Variants in PRKD1 observed in about 807,000 individuals in gnomAD.
The protein encoded by PRKD1 is protein kinase D1, also known as serine/threonine-protein kinase D1.
Under a neutral mutation model 95.9 loss-of-function variants are expected in PRKD1, and 63 were observed. The observed-to-expected ratio is 0.66, with a 90% CI of 0.54 to 0.81. The LOEUF is 0.81. Among genes scored for constraint, PRKD1 ranks in the 30% least tolerant of loss-of-function variants. The pLI is 0.00. For synonymous variants in PRKD1, 425 were observed against 423.1 expected (o/e 1.00, Z -0.05); for missense variants, 1,048 against 1,165.3 (o/e 0.90, Z 1.47).
rs35890847 is a variant in PRKD1 at position 29,705,455 on chromosome 14, GTTTT to G, written c.403+20077_403+20080del. On this transcript the variant is annotated intron_variant, in intron 2 of 17. Coordinates refer to ENST00000331968, the MANE Select transcript of PRKD1 (RefSeq NM_002742.3). ...TCGATGAACAGAAAAGCCAGATTCT[GTTTT>G]TTTTTTTGTCTTTATTGAGATATAA... is the stretch of plus-strand genomic sequence containing the variant. 1.3e-3 allele frequency among the ~76,000 whole-genome samples: 194 copies of G among 147,136 alleles called. 1 individual carries two copies. Among genetic ancestry groups the G allele is most frequent in the African/African-American group, 4.2e-3 (170 of 40,140 alleles).
intron 1 of PRKD1, among the ~76,000 whole-genome samples, chr14:29,764,425 A>G (rs917173069): frequency 6.6e-6 from 1 of 152,218 alleles, no homozygotes; most frequent in African/African-American, 2.4e-5. Context: ...ACACCTCTCT[A>G]TGATTCAATT....
At chr14:29,593,251 C>T (rs1732642786) in intron 16 of PRKD1, among the ~76,000 whole-genome samples, 1 of 152,166 alleles carries the variant, frequency 6.6e-6, no homozygotes, top group South Asian at 2.1e-4. Context: ...ATTTTACTAT[C>T]TCCATTTTAC....
At chr14:29,654,634 C>A (rs1329658693) in intron 4 of PRKD1, among the ~76,000 whole-genome samples, 1 of 152,102 alleles carries the variant, frequency 6.6e-6, no homozygotes, top group Non-Finnish European at 1.5e-5. Flanking sequence ...GAAGCTTATA[C>A]AAAGACATAT....
chr14:29,769,250 C>T (rs1226326525), intron 1 of PRKD1, among the ~76,000 whole-genome samples: 1 of 152,108 alleles, frequency 6.6e-6, no homozygotes, highest in Admixed American at 6.6e-5. Flanking sequence ...CACACTCTCT[C>T]TCTCTCTTTT....
At chr14:29,761,626 C>T (rs1887988458) in intron 1 of PRKD1, among the ~76,000 whole-genome samples, 1 of 152,108 alleles carries the variant, frequency 6.6e-6, no homozygotes, top group Non-Finnish European at 1.5e-5. Context: ...ATTATTATCA[C>T]TGATACACTT....
intron 1 of PRKD1, among the ~76,000 whole-genome samples, chr14:29,825,877 C>T (rs1891088038): frequency 6.6e-6 from 1 of 151,940 alleles, no homozygotes; most frequent in Non-Finnish European, 1.5e-5. Flanking sequence ...TCTATTTTTC[C>T]CCCACCAAAA....
chr14:29,729,422 C>A (rs1037907099), intron 1 of PRKD1, among the ~76,000 whole-genome samples: 4 of 152,004 alleles, frequency 2.6e-5, no homozygotes, highest in African/African-American at 9.7e-5. Flanking sequence ...GAAAGGTATC[C>A]ATTTCATTCA....
chr14:29,776,407 C>A (rs777362414), intron 1 of PRKD1, among the ~76,000 whole-genome samples: 14 of 152,070 alleles, frequency 9.2e-5, no homozygotes, highest in Non-Finnish European at 1.5e-4. Flanking sequence ...AAAAAGATTA[C>A]ACGAATGGCT....
At chr14:29,784,704 G>A (rs1297439908) in intron 1 of PRKD1, among the ~76,000 whole-genome samples, 4 of 152,122 alleles carry the variant, frequency 2.6e-5, no homozygotes, top group South Asian at 2.1e-4. Context: ...GAGGGTTCAC[G>A]GTTCAGCGTT....
chr14:29,692,877 G>T (rs746007775), intron 2 of PRKD1, among the ~76,000 whole-genome samples: 1 of 152,136 alleles, frequency 6.6e-6, no homozygotes, highest in Non-Finnish European at 1.5e-5. Context: ...TTTTCTATGT[G>T]TTGGCTAATA....
At chr14:29,845,126 A>G (rs1404462324) in intron 1 of PRKD1, among the ~76,000 whole-genome samples, 1 of 152,198 alleles carries the variant, frequency 6.6e-6, no homozygotes, top group Non-Finnish European at 1.5e-5. Flanking sequence ...ACTGTTTTCT[A>G]TGTTCTCCAA....
chr14:29,915,578 G>T (rs112618176), intron 1 of PRKD1, among the ~76,000 whole-genome samples: 138 of 152,220 alleles, frequency 9.1e-4, no homozygotes, highest in Non-Finnish European at 1.4e-3. Context: ...AAGTGGGGGG[G>T]AATCTTGCCA....
chr14:29,806,930 A>C (rs1890260598), intron 1 of PRKD1, among the ~76,000 whole-genome samples: 1 of 152,166 alleles, frequency 6.6e-6, no homozygotes, highest in African/African-American at 2.4e-5. Flanking sequence ...GCAATATGGC[A>C]AGTCACACAA....
intron 16 of PRKD1, among the ~76,000 whole-genome samples, chr14:29,580,766 C>T (rs1892731840): frequency 6.6e-6 from 1 of 152,038 alleles, no homozygotes. Flanking sequence ...TCTTTACTGG[C>T]CATGTCTACA....
intron 1 of PRKD1, among the ~76,000 whole-genome samples, chr14:29,846,756 G>C (rs1404896573): frequency 6.6e-6 from 1 of 152,220 alleles, no homozygotes; most frequent in Non-Finnish European, 1.5e-5. Flanking sequence ...TGACTGGCAG[G>C]TGAGAGTGAC....
At chr14:29,879,685 A>G (rs903824124) in intron 1 of PRKD1, among the ~76,000 whole-genome samples, 2 of 152,172 alleles carry the variant, frequency 1.3e-5, no homozygotes, top group African/African-American at 2.4e-5. Flanking sequence ...AGACAGGAAA[A>G]TGTGGGCAAG....
At chr14:29,698,011 T>C (rs1566546130) in intron 2 of PRKD1, among the ~76,000 whole-genome samples, 1 of 152,172 alleles carries the variant, frequency 6.6e-6, no homozygotes, top group Non-Finnish European at 1.5e-5. Flanking sequence ...TAAACTTTAC[T>C]GAAGTGTGTT....
At chr14:29,596,969 T>C (rs950190916) in intron 16 of PRKD1, among the ~76,000 whole-genome samples, 1 of 152,118 alleles carries the variant, frequency 6.6e-6, no homozygotes, top group East Asian at 1.9e-4. Context: ...GAATGATACA[T>C]CAGGATGTTC....
At chr14:29,681,943 A>C (rs577156597) in intron 2 of PRKD1, among the ~76,000 whole-genome samples, 16 of 152,310 alleles carry the variant, frequency 1.1e-4, no homozygotes, top group African/African-American at 3.8e-4. Context: ...ATGAACAGTT[A>C]AGCTTTCAAA....
Sources: gnomAD v4.1 joint callset for allele counts (sites outside exome capture counted in the v4.1 genomes callset) on GRCh38, gnomAD v4.1.1 for gene constraint, MANE v1.5 for transcripts, NCBI Gene and HGNC (gene_info 2026-07-23, HGNC 2026-07-21) for gene names.